NCKAP5: variants seen among roughly 807,000 people sequenced by gnomAD.
The protein encoded by NCKAP5 is NCK associated protein 5, also known as nck-associated protein 5.
NCKAP5 carries 92 observed loss-of-function variants against 167.0 expected under a neutral mutation model. The ratio of observed to expected loss-of-function variants is 0.55; its 90% CI spans 0.47 to 0.66. NCKAP5 has a LOEUF of 0.66. Ranked by LOEUF, NCKAP5 falls within the 30% of genes least tolerant of loss-of-function variation. NCKAP5 has a pLI of 0.00. For synonymous variants in NCKAP5, 891 were observed against 877.4 expected, an observed-to-expected ratio of 1.02 and a Z score of -0.27; for missense variants, 2,378 against 2,315.0, an observed-to-expected ratio of 1.03 and a Z score of -0.56.
the NCKAP5 span, among the ~76,000 whole-genome samples, chr2:133,612,711 A>C: frequency 6.6e-6 from 1 of 152,132 alleles, no homozygotes; most frequent in Non-Finnish European, 1.5e-5. Flanking sequence ...ATAGATGTAA[A>C]GATTTATGTT....
chr2:133,560,435 G>T (rs1323285611), intron 1 of NCKAP5, among the ~76,000 whole-genome samples: 1 of 152,146 alleles, frequency 6.6e-6, no homozygotes, highest in Non-Finnish European at 1.5e-5. Flanking sequence ...TTATACGGGT[G>T]ATAAGTGCTA....
chr2:132,839,051 C>T (rs888405915), intron 11 of NCKAP5, among the ~76,000 whole-genome samples: 19 of 152,280 alleles, frequency 1.2e-4, no homozygotes, highest in East Asian at 3.9e-4. Flanking sequence ...CATTTTCTAG[C>T]GCCTTACATG....
chr2:133,477,088 C>T (rs1440013833), intron 3 of NCKAP5, among the ~76,000 whole-genome samples: 3 of 152,206 alleles, frequency 2.0e-5, no homozygotes, highest in African/African-American at 2.4e-5. Flanking sequence ...AATCATGATA[C>T]TCCCTTATGG....
At chr2:133,368,531 A>T (rs1685595077) in intron 3 of NCKAP5, among the ~76,000 whole-genome samples, 1 of 152,254 alleles carries the variant, frequency 6.6e-6, no homozygotes, top group Admixed American at 6.5e-5. Flanking sequence ...CATGTAATTT[A>T]GTCCCTCAGG....
In NCKAP5 at chr2:132,781,923, C is replaced by A; in HGVS notation, c.4871+17G>T. On this transcript the variant is annotated intron_variant, in intron 14 of 19. Coordinates refer to ENST00000409261, the MANE Select transcript of NCKAP5 (RefSeq NM_207363.3). ...AGGGACCCCTCTACATTGCTACCTG[C>A]TTTTCCAGTGAGTTACCTGTTCAAG... 1.9e-6 allele frequency: 3 copies of A among 1,595,666 alleles called. No homozygotes were observed. The highest frequency in any genetic ancestry group is 1.7e-5 in the Admixed American group (1 of 58,382).
At chr2:132,930,828 C>T (rs1373831827) in intron 8 of NCKAP5, 2 of 152,216 alleles carry the variant, frequency 1.3e-5, no homozygotes, top group African/African-American at 4.8e-5. Flanking sequence ...CGGATACAAA[C>T]ATGACAGGTA....
At chr2:132,684,541 C>A (rs138278088) in intron 19 of NCKAP5, among the ~76,000 whole-genome samples, 2 of 152,286 alleles carry the variant, frequency 1.3e-5, no homozygotes, top group Non-Finnish European at 2.9e-5. Context: ...GAGTATCTGG[C>A]TTGCACTTAG....
At chr2:133,220,022 AT>A (rs922884572) in intron 4 of NCKAP5, among the ~76,000 whole-genome samples, 1 of 152,194 alleles carries the variant, frequency 6.6e-6, no homozygotes, top group Non-Finnish European at 1.5e-5. Context: ...TATCTTTTTC[AT>A]GCAAATTCAC....
chr2:132,882,314 A>C (rs1691820258), intron 8 of NCKAP5, among the ~76,000 whole-genome samples: 1 of 152,226 alleles, frequency 6.6e-6, no homozygotes, highest in Admixed American at 6.5e-5. Context: ...CACTGCTTCT[A>C]GTCGCTTTCA....
At chr2:133,470,249 G>T (rs1692948282) in intron 3 of NCKAP5, among the ~76,000 whole-genome samples, 1 of 151,990 alleles carries the variant, frequency 6.6e-6, no homozygotes, top group African/African-American at 2.4e-5. Context: ...CTCAGCTGCA[G>T]GTCTGTTGGA....
chr2:133,315,333 G>A (rs375308996), intron 3 of NCKAP5, among the ~76,000 whole-genome samples: 41 of 152,264 alleles, frequency 2.7e-4, no homozygotes, highest in Middle Eastern at 3.4e-3. Flanking sequence ...TTCAATGTGG[G>A]ATATGAAATA....
intron 10 of NCKAP5, among the ~76,000 whole-genome samples, chr2:132,865,624 C>T (rs898358386): frequency 1.3e-5 from 2 of 152,088 alleles, no homozygotes; most frequent in African/African-American, 2.4e-5. Flanking sequence ...CATAACCAGC[C>T]GTTGGATTTC....
intron 3 of NCKAP5, among the ~76,000 whole-genome samples, chr2:133,392,589 A>G (rs1224362856): frequency 6.6e-6 from 1 of 152,208 alleles, no homozygotes; most frequent in Non-Finnish European, 1.5e-5. Flanking sequence ...TTGTCTTTAT[A>G]TATTTCACAA....
At chr2:133,573,792 G>A in the NCKAP5 span, among the ~76,000 whole-genome samples, 7 of 152,284 alleles carry the variant, frequency 4.6e-5, no homozygotes, top group South Asian at 4.1e-4. Flanking sequence ...AACGGGTGTC[G>A]GGAGCCGTAA....
chr2:132,788,399 C>T (rs1049516348), intron 13 of NCKAP5, among the ~76,000 whole-genome samples: 5 of 152,146 alleles, frequency 3.3e-5, no homozygotes, highest in South Asian at 2.1e-4. Flanking sequence ...AACCTCACCA[C>T]GTTTCAGGCT....
chr2:133,609,242 T>A, the NCKAP5 span, among the ~76,000 whole-genome samples: 1 of 152,214 alleles, frequency 6.6e-6, no homozygotes, highest in Non-Finnish European at 1.5e-5. Flanking sequence ...TACCACTGAC[T>A]GGAAGCTTTT....
At chr2:133,651,796 G>T in the NCKAP5 span, among the ~76,000 whole-genome samples, 1 of 152,116 alleles carries the variant, frequency 6.6e-6, no homozygotes, top group Admixed American at 6.6e-5. Context: ...ACATGTATAC[G>T]CATTCAATGG....
chr2:133,186,528 T>C (rs2150057444), intron 5 of NCKAP5, among the ~76,000 whole-genome samples: 1 of 151,612 alleles, frequency 6.6e-6, no homozygotes, highest in East Asian at 1.9e-4. Flanking sequence ...CTAGTAAGAC[T>C]GGTACAAGTT....
intron 6 of NCKAP5, among the ~76,000 whole-genome samples, chr2:133,060,343 C>T (rs1021914031): frequency 6.6e-6 from 1 of 152,076 alleles, no homozygotes; most frequent in African/African-American, 2.4e-5. Context: ...AAGTCCCATA[C>T]TAAAAGAGTC....
Sources: gnomAD v4.1 joint callset for allele counts (sites outside exome capture counted in the v4.1 genomes callset) on GRCh38, gnomAD v4.1.1 for gene constraint, MANE v1.5 for transcripts, NCBI Gene and HGNC (gene_info 2026-07-23, HGNC 2026-07-21) for gene names.